Variants in PDE1A observed in about 807,000 individuals in gnomAD.
The protein encoded by PDE1A is phosphodiesterase 1A.
PDE1A carries 35 observed loss-of-function variants against 61.7 expected under a neutral mutation model. The observed-to-expected ratio is 0.57, with a 90% CI of 0.43 to 0.75. PDE1A has a LOEUF of 0.75. Among genes scored for constraint, PDE1A ranks in the 30% least tolerant of loss-of-function variants. The pLI is 0.00. For synonymous variants in PDE1A, 232 were observed against 213.2 expected (o/e 1.09, Z -0.77); for missense variants, 597 against 630.6 (o/e 0.95, Z 0.57).
intron 1 of PDE1A, among the ~76,000 whole-genome samples, chr2:182,318,032 T>A (rs1303985738): frequency 6.6e-6 from 1 of 152,120 alleles, no homozygotes; most frequent in Non-Finnish European, 1.5e-5. Context: ...TGCCCCAGCA[T>A]ACAACAAGCC....
chr2:182,377,102 T>A (rs943483212), intron 1 of PDE1A, among the ~76,000 whole-genome samples: 3 of 152,062 alleles, frequency 2.0e-5, no homozygotes, highest in Non-Finnish European at 4.4e-5. Flanking sequence ...GGTAAAAAAA[T>A]TATGAAAATG....
chr2:182,672,790 G>T, the PDE1A span, among the ~76,000 whole-genome samples: 1 of 152,178 alleles, frequency 6.6e-6, no homozygotes, highest in East Asian at 1.9e-4. Flanking sequence ...TTTCCACTTT[G>T]GTTGGGCTAA....
intron 10 of PDE1A, among the ~76,000 whole-genome samples, chr2:182,190,123 G>C (rs573505542): frequency 6.6e-6 from 1 of 152,320 alleles, no homozygotes; most frequent in South Asian, 2.1e-4. Flanking sequence ...ATCTTCTAGA[G>C]CAGTTCCCCT....
At chr2:182,603,600 T>C in the PDE1A span, among the ~76,000 whole-genome samples, 1 of 152,238 alleles carries the variant, frequency 6.6e-6, no homozygotes, top group African/African-American at 2.4e-5. Flanking sequence ...TCCGCCCACC[T>C]CGGCCTCCCA....
At chr2:182,627,610 A>G in the PDE1A span, among the ~76,000 whole-genome samples, 1 of 150,038 alleles carries the variant, frequency 6.7e-6, no homozygotes, top group Admixed American at 6.7e-5. Flanking sequence ...GTGCTTACCT[A>G]AAAAAAAATT....
intron 1 of PDE1A, among the ~76,000 whole-genome samples, chr2:182,334,267 GACACAC>G (rs552771675): frequency 6.9e-6 from 1 of 145,808 alleles, no homozygotes; most frequent in East Asian, 2.0e-4. Context: ...CCCTGGAAGA[GACACAC>G]ACACACACAC....
the PDE1A span, among the ~76,000 whole-genome samples, chr2:182,714,683 C>A: frequency 6.6e-6 from 1 of 151,946 alleles, no homozygotes; most frequent in Non-Finnish European, 1.5e-5. Flanking sequence ...TCTTGACTCC[C>A]GAGTAGCTGG....
intron 6 of PDE1A, among the ~76,000 whole-genome samples, chr2:182,224,706 A>C (rs1285165075): frequency 6.6e-6 from 1 of 151,876 alleles, no homozygotes; most frequent in Non-Finnish European, 1.5e-5. Flanking sequence ...ATACTGTACT[A>C]CCCAATATGG....
upstream of PDE1A, among the ~76,000 whole-genome samples, chr2:182,525,308 G>A (rs1407507198): frequency 6.6e-6 from 1 of 151,906 alleles, no homozygotes; most frequent in Non-Finnish European, 1.5e-5. Context: ...CAAATCATTT[G>A]TAATCATTGT....
At chr2:182,668,009 C>T in the PDE1A span, among the ~76,000 whole-genome samples, 1 of 152,156 alleles carries the variant, frequency 6.6e-6, no homozygotes, top group Non-Finnish European at 1.5e-5. Context: ...GAAGATGCAA[C>T]ACCCTTCCCA....
At chr2:182,218,416 T>C (rs181062803) in intron 7 of PDE1A, among the ~76,000 whole-genome samples, 3 of 86,342 alleles carry the variant, frequency 3.5e-5, no homozygotes, top group Non-Finnish European at 7.1e-5. Context: ...ACTTAAAGTA[T>C]AATAAAAAAT....
chr2:182,454,867 T>TCATGTCTAACA (rs1288984719), intron 2 of PDE1A, among the ~76,000 whole-genome samples: 1 of 131,290 alleles, frequency 7.6e-6, no homozygotes. Context: ...GGCAAGGACT[T>TCATGTCTAACA]CACAAAAGCA....
chr2:182,402,383 C>T (rs959919685), intron 1 of PDE1A, among the ~76,000 whole-genome samples: 7 of 152,122 alleles, frequency 4.6e-5, no homozygotes, highest in African/African-American at 1.7e-4. Flanking sequence ...AATCTACAAC[C>T]ATCTGATCTT....
intron 6 of PDE1A, among the ~76,000 whole-genome samples, chr2:182,229,004 G>A (rs1371783300): frequency 6.6e-6 from 1 of 152,076 alleles, no homozygotes; most frequent in African/African-American, 2.4e-5. Flanking sequence ...CAGAGAAGTT[G>A]GAACGGCTTA....
chr2:182,202,067 C>T (rs1686704620), intron 8 of PDE1A, among the ~76,000 whole-genome samples: 2 of 152,324 alleles, frequency 1.3e-5, no homozygotes, highest in South Asian at 2.1e-4. Context: ...AACTCTTCTG[C>T]AGTCATAATT....
At chr2:182,372,701 T>A (rs1700183870) in intron 1 of PDE1A, among the ~76,000 whole-genome samples, 1 of 152,128 alleles carries the variant, frequency 6.6e-6, no homozygotes. Flanking sequence ...AATTCCAAAG[T>A]TATTCATACT....
rs534837090 is a variant in PDE1A, at chr2:182,425,000, C to T, written c.53+1578G>A. On this transcript the variant is annotated intron_variant, in intron 1 of 13. Transcript: ENST00000351439. ...AGCTTCCACAAAGTTCTATTTTTTA[C>T]ATAAATAAGCACAGAAGTGCAGTTA... is the stretch of plus-strand genomic sequence containing the variant. 7.9e-5 allele frequency among the ~76,000 whole-genome samples: 12 copies of T among 152,298 alleles called. No individual in the cohort carries two copies. In the South Asian group the frequency reaches 2.5e-3, roughly 32 times the overall value.
chr2:182,522,666 G>A (rs538169631), exon 1 of PDE1A: 11 of 1,138,048 alleles, frequency 9.7e-6, no homozygotes, highest in South Asian at 3.3e-5. Flanking sequence ...ACTACTGACC[G>A]ACTGAGTACT....
chr2:182,487,020 T>C (rs1310149265), intron 2 of PDE1A, among the ~76,000 whole-genome samples: 4 of 152,152 alleles, frequency 2.6e-5, no homozygotes, highest in Non-Finnish European at 4.4e-5. Context: ...AAATCATCTA[T>C]TGGACAAAGC....
Sources: allele counts gnomAD v4.1 joint callset (sites outside exome capture counted in the v4.1 genomes callset), GRCh38; gene constraint gnomAD v4.1.1; transcripts MANE v1.5; gene names NCBI Gene and HGNC (gene_info 2026-07-23, HGNC 2026-07-21).